The following UGT1A10 variants were observed in gnomAD, a reference collection of about 807,000 sequenced individuals.
UGT1A10 encodes the protein UDP-glucuronosyltransferase 1A10.
A neutral mutation model predicts 45.8 loss-of-function variants in UGT1A10; 49 were observed. The ratio of observed to expected loss-of-function variants is 1.07; its 90% CI spans 0.85 to 1.36. The LOEUF (loss-of-function observed/expected upper bound fraction) is 1.36. UGT1A10 is among the 40% of genes most tolerant of loss of function. The pLI is 0.00. For synonymous variants in UGT1A10, 284 were observed against 249.7 expected (o/e 1.14, Z -1.29); for missense variants, 745 against 668.6 (o/e 1.11, Z -1.26).
chr2:233,673,184 A>G (rs1452844243), intron 1 of UGT1A10, among the ~76,000 whole-genome samples: 1 of 152,196 alleles, frequency 6.6e-6, no homozygotes, highest in Non-Finnish European at 1.5e-5. Context: ...TACAATATCT[A>G]ATGTAAATTC....
chr2:233,638,476 G>A (rs552611600), intron 1 of UGT1A10, among the ~76,000 whole-genome samples: 34 of 152,204 alleles, frequency 2.2e-4, no homozygotes, highest in South Asian at 2.1e-4. Context: ...TATTTGTACT[G>A]CTTCTTTTGC....
intron 1 of UGT1A10, among the ~76,000 whole-genome samples, chr2:233,732,105 A>G (rs1386469627): frequency 6.6e-6 from 1 of 151,602 alleles, no homozygotes; most frequent in Admixed American, 6.6e-5. Flanking sequence ...GTCTGTTCAT[A>G]TCCTTTGCCC....
At chr2:233,700,071 C>T (rs2075541772) in intron 1 of UGT1A10, among the ~76,000 whole-genome samples, 1 of 152,174 alleles carries the variant, frequency 6.6e-6, no homozygotes, top group Non-Finnish European at 1.5e-5. Context: ...GGTGTCTACC[C>T]AGCAAGGCCC....
chr2:233,701,384 C>T (rs558029810), intron 1 of UGT1A10, among the ~76,000 whole-genome samples: 5 of 152,108 alleles, frequency 3.3e-5, no homozygotes, highest in Non-Finnish European at 7.4e-5. Context: ...GACTCCCACA[C>T]AATAATAGTG....
chr2:233,747,156 A>G, intron 1 of UGT1A10: 1 of 1,580,812 alleles, frequency 6.3e-7, no homozygotes, highest in South Asian at 1.1e-5. Flanking sequence ...GATGAAGAAA[A>G]CAAATGTAGG....
At chr2:233,663,661 A>G (rs1451347676) in intron 1 of UGT1A10, among the ~76,000 whole-genome samples, 1 of 152,164 alleles carries the variant, frequency 6.6e-6, no homozygotes, top group Non-Finnish European at 1.5e-5. Flanking sequence ...GGCAAGAAGG[A>G]GGTCTGCTTT....
chr2:233,740,994 G>A (rs1691532942), intron 1 of UGT1A10: 1 of 151,722 alleles, frequency 6.6e-6, no homozygotes, highest in African/African-American at 2.4e-5. Flanking sequence ...TGCTGAGGAG[G>A]AAGGATCACT....
Position 233,772,368 on chromosome 2 carries a change from G to A in UGT1A10, c.1402G>A (p.Ala468Thr), listed in dbSNP as rs775532505. Residue 468 changes from alanine to threonine, a missense_variant, in exon 5 of 5, where the codon GCG (alanine) becomes ACG (threonine). Physicochemically the swap from Ala to Thr is moderately conservative, Grantham distance 58. Transcript: ENST00000344644. ...GGAGTTTGTGATGAGGCACAAGGGC[G>A]CGCCACACCTGCGCCCCGCAGCCCA... ...WVEFVMRHKG[A>T]PHLRPAAHDL... 1.1e-4 allele frequency: 174 copies of A among 1,614,102 alleles called. No individual in the cohort carries two copies. In the Middle Eastern group the frequency reaches 1.6e-3, roughly 15 times the overall value.
Position 233,722,695 on chromosome 2 carries a change from T to C in UGT1A10, c.856-44339T>C, listed in dbSNP as rs1001983756. Among the ~76,000 whole-genome samples the C allele has an allele frequency of 3.3e-5, 5 of 152,186 alleles. No individual in the cohort carries two copies. In the East Asian group the frequency reaches 9.6e-4, roughly 29 times the overall value. On this transcript the variant is annotated intron_variant, in intron 1 of 4. Transcript: ENST00000344644. Reference sequence around the variant, plus strand: ...TAAAAATTGCTGTTCTTTTCATTGCTTTTAGATAATTTAAATATCAGTTTT... The same window carrying C: ...TAAAAATTGCTGTTCTTTTCATTGCCTTTAGATAATTTAAATATCAGTTTT...
At chr2:233,732,721 G>C (rs2078305544) in intron 1 of UGT1A10, among the ~76,000 whole-genome samples, 1 of 147,538 alleles carries the variant, frequency 6.8e-6, no homozygotes, top group South Asian at 2.1e-4. Context: ...TTGTAGTACA[G>C]TTTGAAGTCA....
rs139927449 is a variant in UGT1A10, at chr2:233,718,873, T to C, written c.856-48161T>C. 3.7e-6 allele frequency: 6 copies of C among 1,613,914 alleles called. No homozygotes were observed. In the South Asian group the frequency reaches 6.6e-5, roughly 18 times the overall value. On this transcript the variant is annotated intron_variant, in intron 1 of 4. Transcript: ENST00000344644. Reference sequence around the variant, plus strand: ...CCGCGGCTGGCCACAGGACTGCTGCTCCTCCTCAGTGTCCAGCCCTGGGCT... The same window carrying C: ...CCGCGGCTGGCCACAGGACTGCTGCCCCTCCTCAGTGTCCAGCCCTGGGCT...
chr2:233,677,338 C>T (rs1049705126), intron 1 of UGT1A10, among the ~76,000 whole-genome samples: 34 of 151,988 alleles, frequency 2.2e-4, no homozygotes, highest in African/African-American at 8.0e-4. Context: ...TATAGTTGAC[C>T]CCTGAACAAT....
chr2:233,743,960 G>T, intron 1 of UGT1A10: 4 of 1,334,214 alleles, frequency 3.0e-6, no homozygotes, highest in Admixed American at 2.0e-5. Context: ...CACAGCGAGC[G>T]GCAAGGCTGC....
At chr2:233,754,618 C>T (rs1695535805) in intron 1 of UGT1A10, 1 of 438,776 alleles carries the variant, frequency 2.3e-6, no homozygotes, top group Admixed American at 2.6e-5. Context: ...CCATCTTCCT[C>T]CACTTCCACC....
rs116347049 is a variant in UGT1A10 at position 233,716,695 on chromosome 2, T to C, written c.856-50339T>C. The stretch of plus-strand genomic sequence containing the variant: ...ACCCCAAGATATAGTTTCTACATTC[T>C]CTTAAAAACACTAAAGAGTTCCAGT... On this transcript the variant is annotated intron_variant, in intron 1 of 4. Transcript: ENST00000344644. 4.9e-3 allele frequency among the ~76,000 whole-genome samples: 749 copies of C among 152,322 alleles called. 4 individuals carry two copies. The highest frequency in any genetic ancestry group is 0.017 in the African/African-American group (721 of 41,564).
chr2:233,711,499 C>A (rs1243833483), intron 1 of UGT1A10, among the ~76,000 whole-genome samples: 1 of 152,112 alleles, frequency 6.6e-6, no homozygotes, highest in Admixed American at 6.5e-5. Flanking sequence ...GCTGAGAATC[C>A]CTTTCTAGCG....
chr2:233,646,558 T>C (rs1025962848), intron 1 of UGT1A10, among the ~76,000 whole-genome samples: 2 of 152,162 alleles, frequency 1.3e-5, no homozygotes, highest in African/African-American at 2.4e-5. Flanking sequence ...TTACCCTAAA[T>C]CATCTTTCTA....
rs766058550 is a variant in UGT1A10, at chr2:233,767,176, T to C, written c.987+11T>C. 2 of 1,614,040 alleles carry C rather than the reference T, an allele frequency of 1.2e-6. No individual in the cohort carries two copies. Among genetic ancestry groups the C allele is most frequent in the Admixed American group, 1.7e-5 (1 of 60,022 alleles). Reference sequence around the variant, plus strand: ...AAAATCCCTCAGACAGTAAGAAGATTCTATACCATGGCCTCATATCTATTT... The same window carrying C: ...AAAATCCCTCAGACAGTAAGAAGATCCTATACCATGGCCTCATATCTATTT... On this transcript the variant is annotated intron_variant, in intron 2 of 4. Coordinates refer to ENST00000344644, the MANE Select transcript of UGT1A10 (RefSeq NM_019075.4).
Position 233,744,108 on chromosome 2 carries a change from T to A in UGT1A10, c.856-22926T>A, listed in dbSNP as rs537609237. 59 of 394,748 alleles carry A rather than the reference T, an allele frequency of 1.5e-4. No individual in the cohort carries two copies. The East Asian group carries it at 2.4e-3, about 16-fold the overall frequency. The allele number at this position is 394,748 out of a possible 1,614,324, so 24.5% of individuals were successfully genotyped here. On this transcript the variant is annotated intron_variant, in intron 1 of 4. Coordinates refer to ENST00000344644, the MANE Select transcript of UGT1A10 (RefSeq NM_019075.4). ...GATGCAGTGCTTCTGGGACTGGCCC[T>A]GCTCTCTGTGAGGCTCTGTGAGGCC...
Sources: gnomAD v4.1 joint callset for allele counts (sites outside exome capture counted in the v4.1 genomes callset) on GRCh38, gnomAD v4.1.1 for gene constraint, MANE v1.5 for transcripts, NCBI Gene and HGNC (gene_info 2026-07-23, HGNC 2026-07-21) for gene names.